The following ZMIZ1 variants were observed in gnomAD, a reference collection of about 807,000 sequenced individuals.
The protein encoded by ZMIZ1 is zinc finger MIZ-type containing 1.
A neutral mutation model predicts 113.9 loss-of-function variants in ZMIZ1; 17 were observed. The ratio of observed to expected loss-of-function variants is 0.15; its 90% CI spans 0.10 to 0.22. ZMIZ1 has a LOEUF of 0.22. ZMIZ1 is among the 10% of genes least tolerant of loss of function. The pLI is 1.00. For missense variants in ZMIZ1, 1,059 were observed against 1,477.8 expected, an observed-to-expected ratio of 0.72 and a Z score of 4.65; for synonymous variants, 607 against 603.1, an observed-to-expected ratio of 1.01 and a Z score of -0.09.
chr10:79,285,728 A>G lies in ZMIZ1; in HGVS notation c.426-4047A>G, dbSNP rs1160599373. 4 of 374,676 alleles carry G rather than the reference A, an allele frequency of 1.1e-5. No homozygotes were observed. The Admixed American group carries it at 1.3e-4, about 12-fold the overall frequency. 23.2% of individuals were successfully genotyped at this position (374,676 alleles called of 1,614,324 possible). A position where few individuals can be genotyped will look rare whatever the true frequency, so the allele number is the denominator to read the frequency against. ...CATCATGCTTGGCTCAGGGAGCCCA[A>G]GAAATCAGTGACAGCTCCTGAGGCA... On this transcript the variant is annotated intron_variant, in intron 8 of 24. Coordinates refer to ENST00000334512, the MANE Select transcript of ZMIZ1 (RefSeq NM_020338.4).
chr10:79,237,610 A>G lies in ZMIZ1; in HGVS notation c.280+21336A>G, dbSNP rs138829729. On this transcript the variant is annotated intron_variant, in intron 7 of 24. Coordinates refer to ENST00000334512, the MANE Select transcript of ZMIZ1 (RefSeq NM_020338.4). ...TTCACGTGGCATTGTCCCTGCATGC[A>G]TGTCTCTGTGTCTAAACTTCTTTTT... Among the ~76,000 whole-genome samples, 76 of 152,216 alleles carry G rather than the reference A, an allele frequency of 5.0e-4. 1 individual carries two copies. The highest frequency in any genetic ancestry group is 1.7e-3 in the African/African-American group (72 of 41,534).
chr10:79,278,048 A>G (rs1458589476), intron 8 of ZMIZ1, among the ~76,000 whole-genome samples: 1 of 152,146 alleles, frequency 6.6e-6, no homozygotes, highest in Non-Finnish European at 1.5e-5. Context: ...ATCCAGCCTG[A>G]CTGAGGGACC....
chr10:79,191,833 G>A (rs1847618671), intron 4 of ZMIZ1, among the ~76,000 whole-genome samples: 1 of 152,222 alleles, frequency 6.6e-6, no homozygotes, highest in African/African-American at 2.4e-5. Flanking sequence ...TTCTTCATCT[G>A]TAGTAGCCTC....
intron 7 of ZMIZ1, 134 bp downstream of exon 7, chr10:79,216,408 A>C: frequency 1.5e-6 from 1 of 681,142 alleles, no homozygotes; most frequent in Non-Finnish European, 2.3e-6. Context: ...CCTGAGGAAG[A>C]GCAACTCATC....
intron 7 of ZMIZ1, among the ~76,000 whole-genome samples, chr10:79,244,052 TGCTCAGTCG>T (rs545446808): frequency 7.4e-4 from 113 of 152,354 alleles, no homozygotes; most frequent in Middle Eastern, 3.4e-3. Context: ...CGAGGCTCTG[TGCTCAGTCG>T]GCTCACGCTG....
chr10:79,254,944 A>G (rs1454004431), intron 7 of ZMIZ1, among the ~76,000 whole-genome samples: 1 of 152,214 alleles, frequency 6.6e-6, no homozygotes, highest in Non-Finnish European at 1.5e-5. Flanking sequence ...AACCTCTTGC[A>G]GCCTCAAGGT....
In ZMIZ1 at chr10:79,305,023, A is replaced by G. The variant is rs911981810; in HGVS notation, c.2287-141A>G. The G allele has an allele frequency of 3.3e-6, 3 of 909,244 alleles. No homozygotes were observed. In the African/African-American group the frequency reaches 4.9e-5, roughly 15 times the overall value. The allele number at this position is 909,244 out of a possible 1,614,324, so 56.3% of individuals were successfully genotyped here. A position where few individuals can be genotyped will look rare whatever the true frequency, so the allele number is the denominator to read the frequency against. ...GTGGCAGAAAGGTAGCATTGCTTTC[A>G]TTCCACCCAGCCCCAGCCCGGGGTT... is the stretch of plus-strand genomic sequence containing the variant. On this transcript the variant is annotated intron_variant, in intron 19 of 24. Transcript: ENST00000334512.
intron 2 of ZMIZ1, among the ~76,000 whole-genome samples, chr10:79,120,062 T>G (rs1005845463): frequency 6.7e-6 from 1 of 149,776 alleles, no homozygotes; most frequent in Non-Finnish European, 1.5e-5. Flanking sequence ...GGGAGAATTC[T>G]GGGGAGGTGA....
In ZMIZ1 at chr10:79,296,404, G is replaced by T; in HGVS notation, c.1231-67G>T. ...GAGGCGGGCCCCATCCCGTTGTTCA[G>T]GTGACCTGGCTATGTGACGTTGGCA... is the stretch of plus-strand genomic sequence containing the variant. On this transcript the variant is annotated intron_variant, in intron 12 of 24. Transcript: ENST00000334512. This position sits in a 1 kb window ranked among gnomAD's most constrained non-coding sequence, Gnocchi z 4.1. 6.4e-7 allele frequency: 1 copy of T among 1,569,082 alleles called. No individual in the cohort carries two copies. Among genetic ancestry groups the T allele is most frequent in the Non-Finnish European group, 8.7e-7 (1 of 1,145,064 alleles).
rs1394870940 is a variant in ZMIZ1, at chr10:79,311,283, G to A, written c.3096+99G>A. ...GTGTGAGGGCTCGAGGCCCCGAAGGGAGGAGGTGGGTGGGCGGTGGGAGGG... is the reference window on the plus strand; with the variant it reads ...GTGTGAGGGCTCGAGGCCCCGAAGGAAGGAGGTGGGTGGGCGGTGGGAGGG... On this transcript the variant is annotated intron_variant, in intron 24 of 24. Transcript: ENST00000334512. The A allele has an allele frequency of 7.4e-6, 6 of 812,266 alleles. No individual in the cohort carries two copies. The African/African-American group carries it at 1.1e-4, about 15-fold the overall frequency. The allele number at this position is 812,266 out of a possible 1,614,324, so 50.3% of individuals were successfully genotyped here.
rs1854355474 is a variant in ZMIZ1 at position 79,302,288 on chromosome 10, T to C, written c.2125+76T>C. The C allele has an allele frequency of 2.1e-6, 3 of 1,455,106 alleles. No homozygotes were observed. The East Asian group carries it at 6.8e-5, about 33-fold the overall frequency. 90.1% of individuals were successfully genotyped at this position (1,455,106 alleles called of 1,614,324 possible). ...GTTTGGGACTGAGAAGCAGTCACCA[T>C]TCACCTGGAACTGACCTTTGCCTCC... On this transcript the variant is annotated intron_variant, in intron 18 of 24. Transcript: ENST00000334512.
chr10:79,273,482 C>T (rs1233686336), intron 7 of ZMIZ1, among the ~76,000 whole-genome samples: 2 of 152,138 alleles, frequency 1.3e-5, no homozygotes, highest in African/African-American at 2.4e-5. Flanking sequence ...CTCAGCCTCC[C>T]GAGTAGCTGA....
At chr10:79,154,864 TC>T in intron 3 of ZMIZ1, among the ~76,000 whole-genome samples, 1 of 151,154 alleles carries the variant, frequency 6.6e-6, no homozygotes, top group South Asian at 2.1e-4. Flanking sequence ...AGTGCCCCCA[TC>T]CCAGCAGGAC....
Position 79,069,829 on chromosome 10 carries a change from GGTTAA to G in ZMIZ1, c.-337+563_-337+567del, listed in dbSNP as rs1192059938. On this transcript the variant is annotated intron_variant, in intron 1 of 24. Transcript: ENST00000334512. The surrounding 1 kb of genome is among the most constrained non-coding windows in gnomAD (Gnocchi z 4.6). ...TTTTGTAAATGGGAGGTGGGGGCGC[GGTTAA>G]GTTGTTTGTGTGGGAATTGCCCGGG... Among the ~76,000 whole-genome samples the G allele has an allele frequency of 3.3e-5, 5 of 152,048 alleles. No individual in the cohort carries two copies. Among genetic ancestry groups the G allele is most frequent in the African/African-American group, 4.8e-5 (2 of 41,396 alleles).
At chr10:79,255,060 G>T (rs769994362) in intron 7 of ZMIZ1, among the ~76,000 whole-genome samples, 1 of 152,176 alleles carries the variant, frequency 6.6e-6, no homozygotes, top group African/African-American at 2.4e-5. Flanking sequence ...GCCTGTGGCC[G>T]CCCTGGGAGA....
intron 5 of ZMIZ1, among the ~76,000 whole-genome samples, chr10:79,202,189 G>GAAAAAAAAAAAAAAAAAA (rs58021590): frequency 1.9e-5 from 1 of 52,636 alleles, no homozygotes. Context: ...CCCTGTCTCA[G>GAAAAAAAAAAAAAAAAAA]AAAAAAAAAA....
rs542614876 is a variant in ZMIZ1 at position 79,305,935 on chromosome 10, A to T, written c.2424-165A>T. 8.4e-4 allele frequency among the ~76,000 whole-genome samples: 128 copies of T among 152,218 alleles called. 2 individuals carry two copies. Among genetic ancestry groups the T allele is most frequent in the Non-Finnish European group, 1.0e-3 (71 of 68,002 alleles). ...GCCTCAGTCTCCCCATATGTCAAAG[A>T]TATATAGAGAAATCCCTGCCAGGCT... is the stretch of plus-strand genomic sequence containing the variant. On this transcript the variant is annotated intron_variant, in intron 21 of 24. Transcript: ENST00000334512.
intron 3 of ZMIZ1, among the ~76,000 whole-genome samples, chr10:79,142,733 A>G (rs977764138): frequency 6.6e-6 from 1 of 152,214 alleles, no homozygotes. Context: ...GACCCTGGCC[A>G]AGCATCTTGC....
Position 79,315,662 on chromosome 10 carries a change from G to A in ZMIZ1, c.*2913G>A, listed in dbSNP as rs1489220493. ...AAACTGCTAATACTTTCTCCCTAAT[G>A]GAAGCCCTGATCCCCCAGAGAGCTA... On this transcript the variant is annotated 3_prime_UTR_variant, in exon 25 of 25. Coordinates refer to ENST00000334512, the MANE Select transcript of ZMIZ1 (RefSeq NM_020338.4). 6.5e-6 allele frequency: 1 copy of A among 152,784 alleles called. No individual in the cohort carries two copies. Among genetic ancestry groups the A allele is most frequent in the Non-Finnish European group, 1.5e-5 (1 of 68,058 alleles). 9.5% of individuals were successfully genotyped at this position (152,784 alleles called of 1,614,324 possible).
Sources: gnomAD v4.1 joint callset for allele counts (sites outside exome capture counted in the v4.1 genomes callset) on GRCh38, gnomAD v4.1.1 for gene constraint, Gnocchi (gnomAD v3.1) non-coding constraint, MANE v1.5 for transcripts, NCBI Gene and HGNC (gene_info 2026-07-23, HGNC 2026-07-21) for gene names.